Variants in STPG2 observed in about 807,000 individuals in gnomAD.
STPG2 encodes the protein sperm tail PG-rich repeat containing 2.
STPG2 carries 56 observed loss-of-function variants against 54.2 expected under a neutral mutation model. The observed-to-expected ratio is 1.03, with a 90% CI of 0.83 to 1.29. The LOEUF (loss-of-function observed/expected upper bound fraction) is 1.29, where lower values mean the gene tolerates loss of function less well. Ranked by LOEUF, STPG2 falls within the 50% of genes most tolerant of loss-of-function variation. The pLI is 0.00. For synonymous variants in STPG2, 200 were observed against 181.8 expected (o/e 1.10, Z -0.81); for missense variants, 596 against 544.9 (o/e 1.09, Z -0.93).
chr4:97,939,172 G>A (rs187064936), intron 8 of STPG2, among the ~76,000 whole-genome samples: 9 of 152,140 alleles, frequency 5.9e-5, no homozygotes, highest in African/African-American at 1.9e-4. Flanking sequence ...GTGGTCCAAG[G>A]ATGCGTTTGG....
intron 10 of STPG2, among the ~76,000 whole-genome samples, chr4:97,638,473 C>G (rs938548142): frequency 6.6e-6 from 1 of 152,190 alleles, no homozygotes; most frequent in East Asian, 1.9e-4. Context: ...GCTATGGCAA[C>G]AAAAGACAAA....
chr4:97,933,292 A>T (rs1241986966), intron 8 of STPG2, among the ~76,000 whole-genome samples: 1 of 151,852 alleles, frequency 6.6e-6, no homozygotes, highest in African/African-American at 2.4e-5. Flanking sequence ...GATCAAAAAA[A>T]TTTTCTCCCA....
At chr4:97,634,778 A>G (rs565818118) in intron 10 of STPG2, among the ~76,000 whole-genome samples, 2,318 of 151,618 alleles carry the variant, frequency 0.015, 60 homozygotes, top group African/African-American at 0.053. Context: ...AGTGAGAAGG[A>G]AAGTTTAGAG....
intron 10 of STPG2, among the ~76,000 whole-genome samples, chr4:97,666,019 G>A (rs982533277): frequency 2.6e-5 from 4 of 152,120 alleles, no homozygotes; most frequent in African/African-American, 7.2e-5. Context: ...TCCCAAGAGT[G>A]CAGAGATGTC....
At chr4:98,049,425 G>T (rs1032405278) in intron 5 of STPG2, among the ~76,000 whole-genome samples, 1 of 152,168 alleles carries the variant, frequency 6.6e-6, no homozygotes. Flanking sequence ...ATCAAAGATT[G>T]CTTGGTTTAT....
At chr4:97,470,691 T>G (rs529435478) in intron 4 of STPG2, among the ~76,000 whole-genome samples, 1 of 151,956 alleles carries the variant, frequency 6.6e-6, no homozygotes, top group Non-Finnish European at 1.5e-5. Flanking sequence ...ATGAATGTGG[T>G]CTTTCTCTTT....
intron 4 of STPG2, among the ~76,000 whole-genome samples, chr4:97,507,809 C>A (rs990082888): frequency 2.6e-5 from 4 of 152,030 alleles, no homozygotes; most frequent in Non-Finnish European, 5.9e-5. Flanking sequence ...GCCTTCCCCA[C>A]AAAGAGTCAG....
At chr4:97,763,613 G>T (rs1383242421) in intron 9 of STPG2, among the ~76,000 whole-genome samples, 1 of 152,068 alleles carries the variant, frequency 6.6e-6, no homozygotes, top group Non-Finnish European at 1.5e-5. Flanking sequence ...ATCATTAACA[G>T]AACACAGCTT....
intron 3 of STPG2, among the ~76,000 whole-genome samples, chr4:98,119,658 A>C (rs1169149001): frequency 1.3e-5 from 2 of 152,002 alleles, no homozygotes; most frequent in Admixed American, 1.3e-4. Flanking sequence ...GGTTTGTTAC[A>C]TAGGTAAACA....
chr4:97,927,655 C>T (rs941472907), intron 8 of STPG2, among the ~76,000 whole-genome samples: 2 of 151,770 alleles, frequency 1.3e-5, no homozygotes, highest in Middle Eastern at 3.4e-3. Context: ...TTTAGTCAAC[C>T]CTAATTTTTC....
At chr4:98,020,577 A>T (rs1736146387) in intron 5 of STPG2, among the ~76,000 whole-genome samples, 1 of 152,180 alleles carries the variant, frequency 6.6e-6, no homozygotes, top group Admixed American at 6.5e-5. Flanking sequence ...TGATAGGAAT[A>T]GTTTCAGAAG....
At chr4:97,818,236 G>C (rs76424746) in intron 9 of STPG2, among the ~76,000 whole-genome samples, 3,093 of 151,922 alleles carry the variant, frequency 0.02, 100 homozygotes, top group African/African-American at 0.071. Context: ...ATAGTAGTCT[G>C]TTCTTATCCA....
At chr4:98,033,142 C>CA (rs946643695) in intron 5 of STPG2, among the ~76,000 whole-genome samples, 20 of 150,330 alleles carry the variant, frequency 1.3e-4, no homozygotes, top group Middle Eastern at 3.4e-3. Flanking sequence ...AAAAACCCTT[C>CA]AAAAAAATCA....
At chr4:97,972,014 A>G (rs1376954161) in intron 7 of STPG2, among the ~76,000 whole-genome samples, 1 of 151,956 alleles carries the variant, frequency 6.6e-6, no homozygotes, top group East Asian at 1.9e-4. Context: ...CACCTTTCTG[A>G]TCACCTTCCC....
intron 5 of STPG2, among the ~76,000 whole-genome samples, chr4:98,053,379 A>G (rs535765075): frequency 1.3e-5 from 2 of 152,184 alleles, no homozygotes; most frequent in Non-Finnish European, 2.9e-5. Flanking sequence ...ATACGTTCAG[A>G]ATCCCTTGCT....
intron 4 of STPG2, among the ~76,000 whole-genome samples, chr4:97,455,765 C>G (rs1443977821): frequency 1.3e-5 from 2 of 152,176 alleles, no homozygotes; most frequent in African/African-American, 4.8e-5. Flanking sequence ...ACACAAGCCA[C>G]TTATGGATGG....
intron 5 of STPG2, among the ~76,000 whole-genome samples, chr4:98,063,456 A>G (rs1407627523): frequency 1.3e-5 from 2 of 152,196 alleles, no homozygotes; most frequent in Non-Finnish European, 2.9e-5. Context: ...CCAAAAAAAA[A>G]AAGTCAATCT....
chr4:98,142,000 T>G (rs1740299429), intron 1 of STPG2, among the ~76,000 whole-genome samples: 1 of 151,044 alleles, frequency 6.6e-6, no homozygotes, highest in African/African-American at 2.5e-5. Context: ...AAGAAGTGTT[T>G]CCAAGAATAA....
chr4:97,751,563 A>G (rs952622627), intron 9 of STPG2, among the ~76,000 whole-genome samples: 2 of 151,846 alleles, frequency 1.3e-5, no homozygotes, highest in African/African-American at 4.8e-5. Flanking sequence ...AATTTTTATC[A>G]TAAGTGAAAA....
Sources: gnomAD v4.1 joint callset for allele counts (sites outside exome capture counted in the v4.1 genomes callset) on GRCh38, gnomAD v4.1.1 for gene constraint, MANE v1.5 for transcripts, NCBI Gene and HGNC (gene_info 2026-07-23, HGNC 2026-07-21) for gene names.